Variants in PARD3 observed in about 807,000 individuals in gnomAD.
PARD3 encodes the protein partitioning defective 3 homolog.
A neutral mutation model predicts 155.4 loss-of-function variants in PARD3; 75 were observed. The observed-to-expected ratio is 0.48, with a 90% CI of 0.40 to 0.58. PARD3 has a LOEUF of 0.58. PARD3 is among the 20% of genes least tolerant of loss of function. The probability of loss-of-function intolerance (pLI) is 0.00; values close to 1 mark genes in which losing one functional copy is unlikely to be tolerated. For synonymous variants in PARD3, 576 were observed against 610.5 expected (o/e 0.94, Z 0.83); for missense variants, 1,642 against 1,721.7 (o/e 0.95, Z 0.82).
intron 7 of PARD3, among the ~76,000 whole-genome samples, chr10:34,394,091 C>T (rs1219669398): frequency 1.3e-5 from 2 of 152,092 alleles, no homozygotes; most frequent in African/African-American, 4.8e-5. Context: ...CCGCCTCAGC[C>T]TCCCAAAGTG....
chr10:34,411,080 C>T (rs1266820079), intron 5 of PARD3, among the ~76,000 whole-genome samples: 1 of 152,180 alleles, frequency 6.6e-6, no homozygotes, highest in Non-Finnish European at 1.5e-5. Flanking sequence ...GGCAGGCTAA[C>T]TTGTTAGCTT....
intron 2 of PARD3, among the ~76,000 whole-genome samples, chr10:34,532,639 C>T (rs1005693101): frequency 2.0e-5 from 3 of 152,182 alleles, no homozygotes. Context: ...ATTCATAGAT[C>T]CTTGTTCTAT....
At chr10:34,726,763 C>CAA (rs1057196578) in intron 1 of PARD3, among the ~76,000 whole-genome samples, 1 of 124,870 alleles carries the variant, frequency 8.0e-6, no homozygotes, top group Admixed American at 8.2e-5. Flanking sequence ...ACTCCATCTC[C>CAA]AAAAAAAAAA....
chr10:34,678,535 A>T (rs1012737023), intron 2 of PARD3, among the ~76,000 whole-genome samples: 2 of 152,170 alleles, frequency 1.3e-5, no homozygotes, highest in Non-Finnish European at 2.9e-5. Flanking sequence ...TCTCCATTAA[A>T]AACATGTTTT....
chr10:34,589,173 A>G (rs1166299951), intron 2 of PARD3, among the ~76,000 whole-genome samples: 1 of 152,312 alleles, frequency 6.6e-6, no homozygotes, highest in East Asian at 1.9e-4. Context: ...TAGAAGTGAA[A>G]TATTTTGCTC....
At chr10:34,634,192 C>G (rs1337790492) in intron 2 of PARD3, among the ~76,000 whole-genome samples, 9 of 152,180 alleles carry the variant, frequency 5.9e-5, no homozygotes, top group African/African-American at 2.2e-4. Context: ...GTTTGGAAAC[C>G]CAGAAAAAAT....
intron 1 of PARD3, among the ~76,000 whole-genome samples, chr10:34,786,462 A>G (rs182785249): frequency 4.6e-5 from 7 of 152,240 alleles, no homozygotes; most frequent in Non-Finnish European, 8.8e-5. Context: ...TAGGCCCCAT[A>G]AGAGAAATAA....
At chr10:34,280,932 G>C (rs1456242382) in intron 21 of PARD3, among the ~76,000 whole-genome samples, 1 of 152,144 alleles carries the variant, frequency 6.6e-6, no homozygotes, top group Non-Finnish European at 1.5e-5. Flanking sequence ...TTAAACAAGT[G>C]TTTCTCAAAC....
At chr10:34,704,994 C>T (rs993431783) in intron 1 of PARD3, among the ~76,000 whole-genome samples, 1 of 152,164 alleles carries the variant, frequency 6.6e-6, no homozygotes, top group Non-Finnish European at 1.5e-5. Context: ...TCAGCAGGAA[C>T]TATGCTTCTC....
In PARD3 at chr10:34,354,143, C is replaced by CAA. The variant is rs1049942276; in HGVS notation, c.2067+5002_2067+5003dup. Reference sequence around the variant, plus strand: ...CCTGTCTTTCTTCAAAAAAAAAAAACAAAAAAAAAACGCCAGATGGTAGCA... The same window carrying CAA: ...CCTGTCTTTCTTCAAAAAAAAAAAACAAAAAAAAAAAACGCCAGATGGTAGCA... On this transcript the variant is annotated intron_variant, in intron 14 of 24. Transcript: ENST00000374788. Among the ~76,000 whole-genome samples the CAA allele has an allele frequency of 1.5e-3, 201 of 134,812 alleles. 1 individual carries two copies. The highest frequency in any genetic ancestry group is 4.7e-3 in the African/African-American group (175 of 37,310). 88.4% of individuals were successfully genotyped at this position (134,812 alleles called of 152,430 possible).
intron 22 of PARD3, among the ~76,000 whole-genome samples, chr10:34,176,658 T>C (rs1214665724): frequency 5.3e-5 from 8 of 152,152 alleles, no homozygotes; most frequent in African/African-American, 1.9e-4. Flanking sequence ...CCAGCACCAT[T>C]AGAAAGAGGC....
intron 2 of PARD3, among the ~76,000 whole-genome samples, chr10:34,677,288 CT>C (rs998322020): frequency 1.3e-5 from 2 of 151,922 alleles, no homozygotes; most frequent in African/African-American, 4.8e-5. Context: ...TGCAACCAGC[CT>C]GGGCAACATA....
intron 2 of PARD3, among the ~76,000 whole-genome samples, chr10:34,523,243 C>T (rs185306067): frequency 6.6e-6 from 1 of 152,256 alleles, no homozygotes; most frequent in Non-Finnish European, 1.5e-5. Flanking sequence ...ATCTCAAAGA[C>T]CTCTAGGTTC....
intron 2 of PARD3, among the ~76,000 whole-genome samples, chr10:34,659,534 T>C (rs577862647): frequency 1.3e-5 from 2 of 152,318 alleles, no homozygotes; most frequent in African/African-American, 4.8e-5. Flanking sequence ...AGGATAATGC[T>C]AGATGATACA....
rs749726180 is a variant in PARD3, at chr10:34,348,033, G to A, written c.2150C>T (p.Ser717Phe). 1 of 1,613,456 alleles carries A rather than the reference G, an allele frequency of 6.2e-7. No homozygotes were observed. The highest frequency in any genetic ancestry group is 1.1e-5 in the South Asian group (1 of 90,858). Reference sequence around the variant, plus strand: ...AAGCCCCTCAATCCCACTGTAGAGGGAATGGGAAATTCTTCGTTCTCTATC... The same window carrying A: ...AAGCCCCTCAATCCCACTGTAGAGGAAATGGGAAATTCTTCGTTCTCTATC... Reference protein sequence around the residue: ...LDDRERRISHSLYSGIEGLDE... With the variant: ...LDDRERRISHFLYSGIEGLDE... The change falls in exon 15 of 25, where the codon TCC becomes TTC. Residue 717 changes from serine (S) to phenylalanine (F), a missense_variant. Physicochemically the swap from Ser to Phe is radical, Grantham distance 155 (BLOSUM62 -2). Around this residue, in one of 3 missense-constraint regions of PARD3, gnomAD observed 1,529 missense variants for 1,587.3 expected, o/e 0.96. Coordinates refer to ENST00000374788, the MANE Select transcript of PARD3 (RefSeq NM_001184785.2).
At chr10:34,439,762 G>A (rs572130283) in intron 5 of PARD3, among the ~76,000 whole-genome samples, 15 of 152,158 alleles carry the variant, frequency 9.9e-5, no homozygotes, top group African/African-American at 2.6e-4. Context: ...AAAGTATTAC[G>A]TGCCTACTAT....
At chr10:34,772,791 C>CT (rs1419508992) in intron 1 of PARD3, among the ~76,000 whole-genome samples, 11 of 84,146 alleles carry the variant, frequency 1.3e-4, no homozygotes, top group Non-Finnish European at 1.9e-4. Flanking sequence ...AAGACTCCAT[C>CT]TAAAAAAAAA....
intron 2 of PARD3, among the ~76,000 whole-genome samples, chr10:34,535,541 C>T (rs1451804818): frequency 2.0e-5 from 3 of 152,148 alleles, no homozygotes; most frequent in Non-Finnish European, 4.4e-5. Flanking sequence ...GGCTGGAGTG[C>T]AGTGGCGCAA....
intron 22 of PARD3, among the ~76,000 whole-genome samples, chr10:34,171,036 T>C (rs1440951854): frequency 6.6e-6 from 1 of 152,178 alleles, no homozygotes; most frequent in East Asian, 1.9e-4. Context: ...ATAGAAAACA[T>C]GATTAATTTG....
Sources: allele counts gnomAD v4.1 joint callset (sites outside exome capture counted in the v4.1 genomes callset), GRCh38; gene constraint gnomAD v4.1.1; regional missense constraint gnomAD v4.1.1; transcripts MANE v1.5; gene names NCBI Gene and HGNC (gene_info 2026-07-23, HGNC 2026-07-21).